Variants in USH2A observed in about 807,000 individuals in gnomAD.
USH2A encodes the protein Usher syndrome 2A (autosomal recessive, mild).
USH2A carries 443 observed loss-of-function variants against 538.9 expected under a neutral mutation model. That is an observed-to-expected ratio of 0.82 (90% confidence interval 0.76 to 0.89). USH2A has a LOEUF of 0.89. USH2A is among the 40% of genes least tolerant of loss of function. The pLI, the probability that USH2A is intolerant of heterozygous loss-of-function variation, is 0.00. For synonymous variants in USH2A, 2,413 were observed against 2,273.5 expected, an observed-to-expected ratio of 1.06 and a Z score of -1.75; for missense variants, 6,633 against 6,324.8, an observed-to-expected ratio of 1.05 and a Z score of -1.65.
intron 21 of USH2A, among the ~76,000 whole-genome samples, chr1:216,144,854 T>TC (rs1203439377): frequency 6.6e-6 from 1 of 152,188 alleles, no homozygotes; most frequent in Non-Finnish European, 1.5e-5. Context: ...TAGTCCATTC[T>TC]CAGGTCTTCA....
chr1:216,072,987 T>C lies in USH2A; in HGVS notation c.5777-18A>G. The C allele has an allele frequency of 6.2e-7, 1 of 1,613,656 alleles. No individual in the cohort carries two copies. On this transcript the variant is annotated intron_variant, in intron 28 of 71. Coordinates refer to ENST00000307340, the MANE Select transcript of USH2A (RefSeq NM_206933.4). ...CAGGTATTCTTAAATGGAAATAAGA[T>C]GCAGCAAGATTAAAATAATACTCAT...
chr1:215,732,083 T>C (rs1660010561), intron 60 of USH2A, among the ~76,000 whole-genome samples: 2 of 152,240 alleles, frequency 1.3e-5, no homozygotes, highest in African/African-American at 4.8e-5. Context: ...GAAGTTATCA[T>C]GGAGATGATG....
chr1:215,806,936 C>T lies in USH2A; in HGVS notation c.9739+6800G>A, dbSNP rs73090712. Among the ~76,000 whole-genome samples the T allele has an allele frequency of 4.0e-3, 611 of 152,114 alleles. 4 individuals are homozygous for T. The highest frequency in any genetic ancestry group is 0.013 in the African/African-American group (560 of 41,518). ...GTGACAGTTATTCCCCAAGAGTTTA[C>T]GACAATGCTTTCTTAATTCTCACAA... On this transcript the variant is annotated intron_variant, in intron 49 of 71. Coordinates refer to ENST00000307340, the MANE Select transcript of USH2A (RefSeq NM_206933.4).
chr1:216,096,901 G>A (rs537906409), intron 22 of USH2A, among the ~76,000 whole-genome samples, 182 bp downstream of exon 22: 7 of 152,294 alleles, frequency 4.6e-5, no homozygotes, highest in African/African-American at 1.4e-4. Flanking sequence ...CGCTATTTTA[G>A]CTGAGGGCAA....
At chr1:215,628,005 G>A (rs1421214987) in intron 71 of USH2A, among the ~76,000 whole-genome samples, 1 of 152,138 alleles carries the variant, frequency 6.6e-6, no homozygotes, top group Non-Finnish European at 1.5e-5. Flanking sequence ...AAGAGCCAAT[G>A]ATTTGTACCC....
chr1:215,885,374 T>C (rs1471470275), intron 41 of USH2A, among the ~76,000 whole-genome samples: 1 of 152,184 alleles, frequency 6.6e-6, no homozygotes, highest in Non-Finnish European at 1.5e-5. Context: ...CTTAATTCAA[T>C]TTGGTAATCT....
intron 38 of USH2A, among the ~76,000 whole-genome samples, chr1:215,907,850 TGGAAAGATGGATGAGTTGATGGG>T (rs1331972849): frequency 1.5e-3 from 229 of 152,042 alleles, no homozygotes; most frequent in African/African-American, 4.8e-3. Context: ...AATCAATGGT[TGGAAAGATGGATGAGTTGATGGG>T]GGAAAGATGG....
At chr1:216,390,537 A>T (rs908610501) in intron 3 of USH2A, among the ~76,000 whole-genome samples, 1 of 152,190 alleles carries the variant, frequency 6.6e-6, no homozygotes, top group Non-Finnish European at 1.5e-5. Context: ...TTTGGGTTAC[A>T]TGCATTCTAC....
intron 37 of USH2A, among the ~76,000 whole-genome samples, chr1:215,964,842 C>T (rs1263487294): frequency 6.6e-6 from 1 of 152,164 alleles, no homozygotes; most frequent in Non-Finnish European, 1.5e-5. Flanking sequence ...TATCAGAACA[C>T]ACAGCAGAAT....
chr1:215,708,052 TC>T (rs921615560), intron 61 of USH2A, among the ~76,000 whole-genome samples: 4 of 152,124 alleles, frequency 2.6e-5, no homozygotes, highest in Non-Finnish European at 4.4e-5. Flanking sequence ...GACCATCATA[TC>T]TGAAGCAAAA....
chr1:215,900,185 T>C lies in USH2A; in HGVS notation c.7484A>G (p.Tyr2495Cys). The change falls in exon 40 of 72, where the codon TAT becomes TGT. Residue 2495 changes from tyrosine (Y) to cysteine (C), a missense_variant. Physicochemically the swap from Tyr to Cys is radical, Grantham distance 194. Transcript: ENST00000307340. Reference protein sequence around the residue: ...LFSNPSASLSYEVSDLQPYTE... With the variant: ...LFSNPSASLSCEVSDLQPYTE... Reference sequence around the variant, plus strand: ...GTACGGTTGGAGATCACTCACTTCATAGCTTAACGATGCAGAAGGATTGGA... The same window carrying C: ...GTACGGTTGGAGATCACTCACTTCACAGCTTAACGATGCAGAAGGATTGGA... The C allele has an allele frequency of 6.2e-7, 1 of 1,613,714 alleles. No homozygotes were observed. The highest frequency in any genetic ancestry group is 8.5e-7 in the Non-Finnish European group (1 of 1,179,768).
chr1:216,250,272 T>A (rs2036132739), intron 12 of USH2A, among the ~76,000 whole-genome samples: 1 of 152,084 alleles, frequency 6.6e-6, no homozygotes, highest in African/African-American at 2.4e-5. Context: ...ACGTCTTGTA[T>A]AAAAAAATGA....
intron 61 of USH2A, among the ~76,000 whole-genome samples, chr1:215,713,361 CTAA>C (rs1378962234): frequency 6.6e-6 from 1 of 152,196 alleles, no homozygotes; most frequent in Non-Finnish European, 1.5e-5. Context: ...AAGCCAGTCT[CTAA>C]TCTATGTTTC....
At chr1:216,391,145 C>G (rs2039099793) in intron 3 of USH2A, among the ~76,000 whole-genome samples, 1 of 152,168 alleles carries the variant, frequency 6.6e-6, no homozygotes, top group Non-Finnish European at 1.5e-5. Flanking sequence ...GTAATCTGTG[C>G]AAGTGAATAT....
chr1:215,990,937 A>G (rs1405793895), intron 35 of USH2A, among the ~76,000 whole-genome samples: 3 of 151,560 alleles, frequency 2.0e-5, no homozygotes, highest in Non-Finnish European at 2.9e-5. Flanking sequence ...AATTTTTTGT[A>G]TTTTTAGTAG....
chr1:215,758,638 T>G lies in USH2A; in HGVS notation c.11346A>C (p.Thr3782=). The part of the protein sequence containing the change: ...PEEIYPPYNI[T]VIGPYSIFVA... ...CAAATATAGAATAAGGCCCAATTACTGTGATATTATATGGAGGATAGATTT... is the reference window on the plus strand; with the variant it reads ...CAAATATAGAATAAGGCCCAATTACGGTGATATTATATGGAGGATAGATTT... The change falls in exon 58 of 72, where the codon ACA becomes ACC. Residue 3782 remains threonine (T), a synonymous_variant. Transcript: ENST00000307340. 6.2e-7 allele frequency: 1 copy of G among 1,613,810 alleles called. No individual in the cohort carries two copies. Among genetic ancestry groups the G allele is most frequent in the Non-Finnish European group, 8.5e-7 (1 of 1,179,856 alleles).
intron 3 of USH2A, among the ~76,000 whole-genome samples, chr1:216,398,557 C>CACACAA (rs138640327): frequency 0.33 from 50,508 of 151,260 alleles, 8,962 homozygotes; most frequent in East Asian, 0.41. Flanking sequence ...CACACCCATA[C>CACACAA]ACACACACAC....
chr1:216,147,306 C>A (rs1293096482), intron 21 of USH2A, among the ~76,000 whole-genome samples: 1 of 152,156 alleles, frequency 6.6e-6, no homozygotes, highest in Non-Finnish European at 1.5e-5. Flanking sequence ...ATCACCTCCC[C>A]TCCTCACACC....
chr1:216,365,890 G>T (rs1388456013), intron 3 of USH2A, among the ~76,000 whole-genome samples: 1 of 152,114 alleles, frequency 6.6e-6, no homozygotes, highest in Non-Finnish European at 1.5e-5. Context: ...TGACCCACAG[G>T]TTGTAGCTTG....
Sources: allele counts gnomAD v4.1 joint callset (sites outside exome capture counted in the v4.1 genomes callset), GRCh38; gene constraint gnomAD v4.1.1; transcripts MANE v1.5; gene names NCBI Gene and HGNC (gene_info 2026-07-23, HGNC 2026-07-21).